The following MAST4 variants were observed in gnomAD, a reference collection of about 807,000 sequenced individuals.
The protein encoded by MAST4 is microtubule-associated serine/threonine-protein kinase 4.
Under a neutral mutation model 162.7 loss-of-function variants are expected in MAST4, and 89 were observed. The observed-to-expected ratio is 0.55, with a 90% CI of 0.46 to 0.65. MAST4 has a LOEUF of 0.65. Ranked by LOEUF, MAST4 falls within the 30% of genes least tolerant of loss-of-function variation. MAST4 has a pLI of 0.00. For synonymous variants in MAST4, 1,479 were observed against 1,361.1 expected (o/e 1.09, Z -1.91); for missense variants, 3,153 against 3,374.0 (o/e 0.93, Z 1.62).
intron 5 of MAST4, among the ~76,000 whole-genome samples, chr5:67,082,746 T>C (rs893581284): frequency 2.6e-5 from 4 of 152,150 alleles, no homozygotes; most frequent in African/African-American, 9.7e-5. Flanking sequence ...TTTAGAGTTA[T>C]AAGACCATGT....
chr5:66,684,722 G>A (rs923107033), intron 1 of MAST4, among the ~76,000 whole-genome samples: 22 of 152,134 alleles, frequency 1.4e-4, no homozygotes, highest in Non-Finnish European at 5.9e-5. Flanking sequence ...CAGAGTTCCT[G>A]GAAAGAATAA....
intron 1 of MAST4, among the ~76,000 whole-genome samples, chr5:66,629,155 A>G (rs966349741): frequency 4.6e-5 from 7 of 152,208 alleles, no homozygotes; most frequent in African/African-American, 1.4e-4. Flanking sequence ...ATAATCACCA[A>G]TATCCAGGGA....
intron 4 of MAST4, chr5:66,959,271 A>G (rs1284326952): frequency 2.6e-6 from 2 of 779,626 alleles, no homozygotes; most frequent in South Asian, 1.3e-5. Context: ...GGGAAAGGCT[A>G]CAGATTCCGG....
At chr5:67,091,324 G>A (rs1763845132) in intron 6 of MAST4, among the ~76,000 whole-genome samples, 1 of 152,138 alleles carries the variant, frequency 6.6e-6, no homozygotes, top group Admixed American at 6.5e-5. Context: ...TCATAGTTTA[G>A]TTGTTTCCCA....
intron 3 of MAST4, among the ~76,000 whole-genome samples, chr5:66,811,568 A>T (rs1425250658): frequency 6.6e-6 from 1 of 152,184 alleles, no homozygotes; most frequent in African/African-American, 2.4e-5. Flanking sequence ...AAAGCCTCGG[A>T]GTATTTCTGA....
intron 3 of MAST4, among the ~76,000 whole-genome samples, chr5:66,807,831 T>TCTTCCA (rs1407488158): frequency 2.0e-5 from 3 of 152,182 alleles, no homozygotes; most frequent in African/African-American, 7.2e-5. Context: ...GACTGTGCCG[T>TCTTCCA]CTTCCACTTC....
intron 4 of MAST4, among the ~76,000 whole-genome samples, chr5:67,049,061 G>GTATATATATATATATATACA (rs1757831511): frequency 2.2e-4 from 17 of 75,900 alleles, no homozygotes; most frequent in African/African-American, 9.3e-4. Flanking sequence ...ATATATATAC[G>GTATATATATATATATATACA]TATATATATA....
chr5:66,660,603 A>C (rs1746842627), intron 1 of MAST4, among the ~76,000 whole-genome samples: 1 of 152,218 alleles, frequency 6.6e-6, no homozygotes, highest in African/African-American at 2.4e-5. Flanking sequence ...GTATCTTGAA[A>C]TTTGTGGTAA....
chr5:66,953,195 A>G (rs1266941517), intron 4 of MAST4, among the ~76,000 whole-genome samples: 1 of 152,162 alleles, frequency 6.6e-6, no homozygotes, highest in Non-Finnish European at 1.5e-5. Flanking sequence ...AAATAATTGA[A>G]CATTCAGGGA....
At chr5:66,992,796 C>T (rs10057280) in intron 4 of MAST4, among the ~76,000 whole-genome samples, 8,787 of 152,196 alleles carry the variant, frequency 0.058, 339 homozygotes, top group Non-Finnish European at 0.087. Context: ...CTAAGTGCGA[C>T]GGAAGGTTTC....
intron 14 of MAST4, among the ~76,000 whole-genome samples, chr5:67,128,407 G>A (rs1768521326): frequency 6.6e-6 from 1 of 152,060 alleles, no homozygotes; most frequent in African/African-American, 2.4e-5. Context: ...TAGGAGGTAT[G>A]GTTAAGAGAG....
intron 1 of MAST4, among the ~76,000 whole-genome samples, chr5:66,727,663 G>A (rs986280636): frequency 6.0e-4 from 92 of 152,292 alleles, no homozygotes; most frequent in African/African-American, 2.2e-3. Flanking sequence ...TATTTGTGTT[G>A]CAGATGTCAT....
chr5:66,949,658 T>G (rs1351810704), intron 4 of MAST4, among the ~76,000 whole-genome samples: 1 of 152,212 alleles, frequency 6.6e-6, no homozygotes, highest in East Asian at 1.9e-4. Context: ...TCACAGATAG[T>G]CTGTAAAAAT....
chr5:67,020,722 T>G (rs1274461956), intron 4 of MAST4, among the ~76,000 whole-genome samples: 5 of 152,236 alleles, frequency 3.3e-5, no homozygotes, highest in African/African-American at 1.2e-4. Context: ...CCATCTCACC[T>G]ATGATACTTG....
chr5:66,738,210 G>T (rs1177573757), intron 1 of MAST4: 1 of 152,274 alleles, frequency 6.6e-6, no homozygotes, highest in Non-Finnish European at 1.5e-5. Flanking sequence ...GGGATAGGCT[G>T]ACAGAGCAGC....
At chr5:66,645,002 T>C (rs12652055) in intron 1 of MAST4, among the ~76,000 whole-genome samples, 3 of 150,298 alleles carry the variant, frequency 2.0e-5, no homozygotes, top group South Asian at 2.1e-4. Context: ...GAGCTTCTTG[T>C]GGGGTGGGGG....
rs758461114 is a variant in MAST4 at position 67,165,267 on chromosome 5, C to T, written c.6088C>T (p.Gln2030Ter). The T allele has an allele frequency of 1.2e-6, 2 of 1,613,202 alleles. No individual in the cohort carries two copies. Among genetic ancestry groups the T allele is most frequent in the African/African-American group, 2.7e-5 (2 of 74,938 alleles). The change falls in exon 29 of 29, where the codon CAG becomes TAG. Residue 2030 changes from glutamine to a stop codon, truncating the protein, a stop_gained. Coordinates refer to ENST00000403625, the MANE Select transcript of MAST4 (RefSeq NM_001164664.2). LOFTEE classifies it low-confidence loss of function (END_TRUNC). ...RTHPDFYTQT[Q>*]AMEKAWAPGG... is the part of the protein sequence containing the mutation. ...CCACCCAGATTTCTATACACAGACC[C>T]AGGCCATGGAGAAAGCATGGGCGCC...
chr5:67,072,243 T>G (rs1394991349), intron 5 of MAST4, among the ~76,000 whole-genome samples: 1 of 152,246 alleles, frequency 6.6e-6, no homozygotes, highest in African/African-American at 2.4e-5. Context: ...TGTGAATTTT[T>G]GGGATTCTAA....
At chr5:66,953,490 G>A (rs1744935677) in intron 4 of MAST4, among the ~76,000 whole-genome samples, 1 of 152,092 alleles carries the variant, frequency 6.6e-6, no homozygotes, top group Non-Finnish European at 1.5e-5. Flanking sequence ...CTAGGTTGCT[G>A]TTCCTGTATG....
Sources: allele counts gnomAD v4.1 joint callset (sites outside exome capture counted in the v4.1 genomes callset), GRCh38; gene constraint gnomAD v4.1.1; transcripts MANE v1.5; gene names NCBI Gene and HGNC (gene_info 2026-07-23, HGNC 2026-07-21).